KCNT1: variants seen among roughly 807,000 people sequenced by gnomAD.
KCNT1 encodes potassium channel subfamily T member 1.
A neutral mutation model predicts 147.8 loss-of-function variants in KCNT1; 78 were observed. The observed-to-expected ratio is 0.53, with a 90% confidence interval of 0.44 to 0.64. The LOEUF (loss-of-function observed/expected upper bound fraction) is 0.64, where lower values mean the gene tolerates loss of function less well. Ranked by LOEUF, KCNT1 falls within the 30% of genes least tolerant of loss-of-function variation. The pLI, the probability that KCNT1 is intolerant of heterozygous loss-of-function variation, is 0.00. For synonymous variants in KCNT1, 867 were observed against 748.8 expected (o/e 1.16, Z -2.58); for missense variants, 1,419 against 1,750.3 (o/e 0.81, Z 3.38).
intron 19 of KCNT1, among the ~76,000 whole-genome samples, chr9:135,773,691 C>T (rs1402672421): frequency 6.6e-6 from 1 of 152,288 alleles, no homozygotes; most frequent in Non-Finnish European, 1.5e-5. Flanking sequence ...GGGGCTGCCT[C>T]ACTCTGTCCT....
rs1054271091 is a variant in KCNT1 at position 135,772,723 on chromosome 9, G to A, written c.2017G>A (p.Ala673Thr). The change falls in exon 19 of 31, where the codon GCC becomes ACC. Residue 673 changes from alanine to threonine, a missense_variant. Transcript: ENST00000371757. Reference protein sequence around the residue: ...HSIIASMGTVAMDLQGTEHRP... With the variant: ...HSIIASMGTVTMDLQGTEHRP... ...ACAGGGCTCTCTTCCAGGGACAGTG[G>A]CCATGGACCTGCAGGGCACAGAGCA... The A allele has an allele frequency of 1.4e-6, 2 of 1,403,998 alleles. No homozygotes were observed. The highest frequency in any genetic ancestry group is 1.9e-6 in the Non-Finnish European group (2 of 1,075,768). 87.0% of individuals were successfully genotyped at this position (1,403,998 alleles called of 1,614,324 possible). A position where few individuals can be genotyped will look rare whatever the true frequency, so the allele number is the denominator to read the frequency against.
At chr9:135,726,850 C>CCT (rs1836174611) in intron 2 of KCNT1, among the ~76,000 whole-genome samples, 1 of 103,950 alleles carries the variant, frequency 9.6e-6, no homozygotes, top group Non-Finnish European at 2.0e-5. Context: ...TGTCTCTCTC[C>CCT]CTCCCTCTCC....
chr9:135,704,431 T>C (rs1835166518), intron 1 of KCNT1, among the ~76,000 whole-genome samples: 1 of 152,194 alleles, frequency 6.6e-6, no homozygotes, highest in African/African-American at 2.4e-5. Context: ...GAGGAGCTCC[T>C]GGCCTTCCAG....
intron 29 of KCNT1, chr9:135,788,889 C>CCCGCTGCCACACCTCCCT (rs1363494028): frequency 1.3e-5 from 2 of 152,436 alleles, no homozygotes; most frequent in African/African-American, 2.4e-5. Context: ...AGAGCCTGCC[C>CCCGCTGCCACACCTCCCT]CCGCTGCCAC....
rs187872786 is a variant in KCNT1 at position 135,751,051 on chromosome 9, G to A, written c.434+10G>A. ...CCCTGGGCATCGGATGGTGGGCCAC[G>A]TGCGCGGCCGGGCGCGGGGTCCCGG... On this transcript the variant is annotated intron_variant, in intron 4 of 30. Transcript: ENST00000371757. The A allele has an allele frequency of 5.7e-5, 92 of 1,607,590 alleles. No homozygotes were observed. The Middle Eastern group carries it at 6.8e-4, about 12-fold the overall frequency.
At chr9:135,791,928 G>A (rs777637054) in intron 30 of KCNT1, 47 bp downstream of exon 30, 57 of 1,610,616 alleles carry the variant, frequency 3.5e-5, no homozygotes, top group Non-Finnish European at 4.7e-5. Context: ...TGAGCACCAG[G>A]TGGGCACTGG....
chr9:135,770,796 G>A, intron 17 of KCNT1, 61 bp from the exon 18 acceptor site: 1 of 1,423,382 alleles, frequency 7.0e-7, no homozygotes, highest in Non-Finnish European at 9.6e-7. Context: ...GGAAGGGCAG[G>A]CAGGGAGCGG....
intron 12 of KCNT1, 33 bp from the exon 13 acceptor site, chr9:135,765,591 C>T (rs1832210766): frequency 1.3e-6 from 2 of 1,590,784 alleles, no homozygotes; most frequent in South Asian, 1.1e-5. Context: ...CAGGGGCTGG[C>T]TCAGAGGGTC....
In KCNT1 at chr9:135,785,196, A is replaced by C; in HGVS notation, c.3157-114A>C. The C allele has an allele frequency of 4.7e-6, 7 of 1,479,074 alleles. No homozygotes were observed. In the South Asian group the frequency reaches 8.8e-5, roughly 19 times the overall value. The allele number at this position is 1,479,074 out of a possible 1,614,324, so 91.6% of individuals were successfully genotyped here. A position where few individuals can be genotyped will look rare whatever the true frequency, so the allele number is the denominator to read the frequency against. On this transcript the variant is annotated intron_variant, in intron 27 of 30. Transcript: ENST00000371757. ...GCCCCTGTGCTGCAGTCCACACAGCAGCAGGCACCGTGCCCACCAGCCCTA... is the reference window on the plus strand; with the variant it reads ...GCCCCTGTGCTGCAGTCCACACAGCCGCAGGCACCGTGCCCACCAGCCCTA...
At chr9:135,762,875 C>A (rs564189843) in intron 11 of KCNT1, among the ~76,000 whole-genome samples, 59 of 152,246 alleles carry the variant, frequency 3.9e-4, no homozygotes, top group Admixed American at 9.8e-4. Flanking sequence ...GAACTGATTG[C>A]ATCGATGGGT....
chr9:135,726,219 C>T (rs991930089), intron 2 of KCNT1, among the ~76,000 whole-genome samples: 12 of 152,218 alleles, frequency 7.9e-5, no homozygotes, highest in East Asian at 7.7e-4. Flanking sequence ...TGAGGGCCTG[C>T]GGTGGATGCT....
At chr9:135,706,705 C>A (rs1013632261) in intron 1 of KCNT1, among the ~76,000 whole-genome samples, 13 of 152,224 alleles carry the variant, frequency 8.5e-5, no homozygotes, top group Non-Finnish European at 5.9e-5. Context: ...ACCAATAGTG[C>A]TTTTGCCTGG....
intron 2 of KCNT1, chr9:135,736,585 C>A (rs993032109): frequency 2.7e-5 from 4 of 149,166 alleles, no homozygotes; most frequent in Admixed American, 2.0e-4. Context: ...CCGGCGCCGC[C>A]CCCGCTGCCC....
At chr9:135,749,997 T>C in intron 2 of KCNT1, 101 bp from the exon 3 acceptor site, 1 of 895,922 alleles carries the variant, frequency 1.1e-6, no homozygotes, top group South Asian at 1.4e-5. Flanking sequence ...ACTCCTGCAG[T>C]TGGAAAGTTG....
chr9:135,707,477 A>G (rs578127250), intron 1 of KCNT1, among the ~76,000 whole-genome samples: 13 of 152,248 alleles, frequency 8.5e-5, no homozygotes, highest in Non-Finnish European at 1.5e-4. Context: ...AGCATCTCCC[A>G]GCAGCCACAG....
chr9:135,757,723 C>CGG (rs1564352889), intron 9 of KCNT1, among the ~76,000 whole-genome samples: 1 of 152,174 alleles, frequency 6.6e-6, no homozygotes. Flanking sequence ...ACTGGGGCCA[C>CGG]GGGGCCACAG....
chr9:135,719,515 G>A (rs796871565), intron 2 of KCNT1, among the ~76,000 whole-genome samples: 31 of 152,298 alleles, frequency 2.0e-4, no homozygotes, highest in African/African-American at 7.0e-4. Flanking sequence ...TTCCAGACAA[G>A]GAGTCCCAGT....
At chr9:135,787,415 C>T (rs889776171) in intron 29 of KCNT1, among the ~76,000 whole-genome samples, 15 of 152,222 alleles carry the variant, frequency 9.9e-5, no homozygotes, top group African/African-American at 3.4e-4. Context: ...ACCCCTGAGC[C>T]GGGTCGAGGC....
rs149675442 is a variant in KCNT1 at position 135,792,391 on chromosome 9, T to C, written c.*230T>C. 9.3e-4 allele frequency: 440 copies of C among 474,218 alleles called. 2 individuals carry two copies. The East Asian group carries it at 0.012, about 13-fold the overall frequency. 29.4% of individuals were successfully genotyped at this position (474,218 alleles called of 1,614,324 possible). A position where few individuals can be genotyped will look rare whatever the true frequency, so the allele number is the denominator to read the frequency against. ...GAGTTTTTTAACCTATTTTTACACGTCGATGCAGTCCACTTCTCTTTACAC... is the reference window on the plus strand; with the variant it reads ...GAGTTTTTTAACCTATTTTTACACGCCGATGCAGTCCACTTCTCTTTACAC... On this transcript the variant is annotated 3_prime_UTR_variant, in exon 31 of 31. Transcript: ENST00000371757.
Sources: gnomAD v4.1 joint callset for allele counts (sites outside exome capture counted in the v4.1 genomes callset) on GRCh38, gnomAD v4.1.1 for gene constraint, MANE v1.5 for transcripts, NCBI Gene and HGNC (gene_info 2026-07-23, HGNC 2026-07-21) for gene names.